Variants in LSAMP observed in about 807,000 individuals in gnomAD.
The protein encoded by LSAMP is limbic system-associated membrane protein.
In LSAMP, 7 loss-of-function variants were observed where a neutral mutation model predicts 38.6. The ratio of observed to expected loss-of-function variants is 0.18; its 90% CI spans 0.10 to 0.34. The LOEUF (loss-of-function observed/expected upper bound fraction) is 0.34. LSAMP is among the 10% of genes least tolerant of loss of function. The pLI, the probability that LSAMP is intolerant of heterozygous loss-of-function variation, is 1.00. For missense variants in LSAMP, 313 were observed against 420.0 expected (o/e 0.75, Z 2.23); for synonymous variants, 154 against 166.8 (o/e 0.92, Z 0.59).
In LSAMP at chr3:116,019,712, G is replaced by A; in HGVS notation, c.389-72C>T. On this transcript the variant is annotated intron_variant, in intron 2 of 6. Transcript: ENST00000490035. ...TAGGCTTGTAGCCATACAACTGGAA[G>A]TGGCAAATTCAAGGTTTTATAACTT... is the stretch of plus-strand genomic sequence containing the variant. The A allele has an allele frequency of 2.0e-6, 3 of 1,530,022 alleles. No individual in the cohort carries two copies. In the Admixed American group the frequency reaches 5.1e-5, roughly 26 times the overall value. 94.8% of individuals were successfully genotyped at this position (1,530,022 alleles called of 1,614,324 possible). A position where few individuals can be genotyped will look rare whatever the true frequency, so the allele number is the denominator to read the frequency against.
intron 2 of LSAMP, among the ~76,000 whole-genome samples, chr3:116,032,333 A>G (rs1177384543): frequency 6.6e-6 from 1 of 152,128 alleles, no homozygotes; most frequent in Non-Finnish European, 1.5e-5. Context: ...CCCGTGTGAT[A>G]GCTCAGACAG....
chr3:116,082,417 G>C (rs1707890491), intron 2 of LSAMP, among the ~76,000 whole-genome samples: 1 of 152,182 alleles, frequency 6.6e-6, no homozygotes, highest in African/African-American at 2.4e-5. Flanking sequence ...CAATGATTCA[G>C]AAGTTTAGTT....
intron 1 of LSAMP, among the ~76,000 whole-genome samples, chr3:116,122,051 A>G (rs541418154): frequency 6.6e-6 from 1 of 152,230 alleles, no homozygotes; most frequent in South Asian, 2.1e-4. Context: ...CTTTTTCTTC[A>G]GAGGCTATGA....
chr3:116,397,393 C>A (rs937397780), intron 1 of LSAMP, among the ~76,000 whole-genome samples: 11 of 145,788 alleles, frequency 7.5e-5, no homozygotes, highest in Admixed American at 3.4e-4. Context: ...CCCGCCCCCC[C>A]CCCACACACA....
intron 1 of LSAMP, among the ~76,000 whole-genome samples, chr3:116,209,545 GAT>G (rs1273816066): frequency 6.6e-6 from 1 of 152,062 alleles, no homozygotes; most frequent in African/African-American, 2.4e-5. Context: ...GGTTCAAATT[GAT>G]ATGTTTTGTG....
chr3:116,335,607 T>C (rs998855338), intron 1 of LSAMP, among the ~76,000 whole-genome samples: 5 of 152,008 alleles, frequency 3.3e-5, no homozygotes, highest in South Asian at 2.1e-4. Flanking sequence ...GCTAAACCTA[T>C]CATCTGTTCA....
intron 3 of LSAMP, among the ~76,000 whole-genome samples, chr3:115,898,348 T>G (rs1936780630): frequency 6.6e-6 from 1 of 152,136 alleles, no homozygotes; most frequent in South Asian, 2.1e-4. Context: ...TTTATTTGAC[T>G]ATAGAACTGT....
chr3:115,978,431 T>G (rs1428724049), intron 3 of LSAMP, among the ~76,000 whole-genome samples: 2 of 152,000 alleles, frequency 1.3e-5, no homozygotes, highest in African/African-American at 2.4e-5. Context: ...TCTTTAACAT[T>G]CTAATCCAGT....
intron 1 of LSAMP, among the ~76,000 whole-genome samples, chr3:116,150,198 T>C (rs7632790): frequency 0.028 from 4,196 of 152,180 alleles, 192 homozygotes; most frequent in African/African-American, 0.096. Context: ...AGTTTAATCA[T>C]CACTTTCATT....
rs1020387717 is a variant in LSAMP at position 116,004,451 on chromosome 3, T to C, written c.514+15064A>G. On this transcript the variant is annotated intron_variant, in intron 3 of 6. Transcript: ENST00000490035. ...ATACATATATACACATATACATATATACACAATTATGCATACATACACTAT... is the reference window on the plus strand; with the variant it reads ...ATACATATATACACATATACATATACACACAATTATGCATACATACACTAT... Among the ~76,000 whole-genome samples, 4 of 150,622 alleles carry C rather than the reference T, an allele frequency of 2.7e-5. No individual in the cohort carries two copies. In the Admixed American group the frequency reaches 2.7e-4, roughly 10 times the overall value.
intron 1 of LSAMP, among the ~76,000 whole-genome samples, chr3:116,247,142 A>T (rs1273121938): frequency 6.6e-6 from 1 of 152,182 alleles, no homozygotes. Flanking sequence ...AGGTCACAGA[A>T]CTCTGATCTC....
At chr3:116,221,681 C>T (rs1274075478) in intron 1 of LSAMP, among the ~76,000 whole-genome samples, 1 of 152,188 alleles carries the variant, frequency 6.6e-6, no homozygotes, top group African/African-American at 2.4e-5. Context: ...GCAATATATT[C>T]TGGCAGAGCT....
chr3:116,196,182 T>C (rs1372024095), intron 1 of LSAMP, among the ~76,000 whole-genome samples: 1 of 152,186 alleles, frequency 6.6e-6, no homozygotes, highest in Non-Finnish European at 1.5e-5. Context: ...AGCTAAATTC[T>C]GATATAATTT....
intron 1 of LSAMP, among the ~76,000 whole-genome samples, chr3:116,237,767 T>C (rs1479589825): frequency 6.6e-6 from 1 of 152,216 alleles, no homozygotes; most frequent in African/African-American, 2.4e-5. Flanking sequence ...GCCATTCAAC[T>C]CTGAAGTTCA....
At chr3:116,203,670 G>A (rs1300787892) in intron 1 of LSAMP, among the ~76,000 whole-genome samples, 13 of 150,908 alleles carry the variant, frequency 8.6e-5, no homozygotes, top group African/African-American at 2.9e-4. Flanking sequence ...TTGTTCTTGC[G>A]ATAGTTTACT....
At chr3:116,076,195 T>A (rs1332069781) in intron 2 of LSAMP, among the ~76,000 whole-genome samples, 1 of 152,210 alleles carries the variant, frequency 6.6e-6, no homozygotes, top group Non-Finnish European at 1.5e-5. Flanking sequence ...TGATGGTTTT[T>A]AAATATGTTT....
At chr3:116,116,067 A>T (rs1708737363) in intron 1 of LSAMP, among the ~76,000 whole-genome samples, 1 of 145,730 alleles carries the variant, frequency 6.9e-6, no homozygotes. Context: ...ATTGGATGGT[A>T]GACCTCCTGG....
intron 1 of LSAMP, among the ~76,000 whole-genome samples, chr3:116,094,702 T>C (rs1219026700): frequency 6.6e-6 from 1 of 152,206 alleles, no homozygotes; most frequent in Non-Finnish European, 1.5e-5. Flanking sequence ...CTGTGTACTG[T>C]GTACTGCTGA....
intron 2 of LSAMP, among the ~76,000 whole-genome samples, chr3:116,047,429 A>G (rs1941314178): frequency 6.6e-6 from 1 of 151,592 alleles, no homozygotes; most frequent in African/African-American, 2.4e-5. Context: ...AAAGTCAAAT[A>G]TTTTAAGGTG....
Sources: gnomAD v4.1 joint callset for allele counts (sites outside exome capture counted in the v4.1 genomes callset) on GRCh38, gnomAD v4.1.1 for gene constraint, MANE v1.5 for transcripts, NCBI Gene and HGNC (gene_info 2026-07-23, HGNC 2026-07-21) for gene names.